The following HTRA3 variants were observed in gnomAD, a reference collection of about 807,000 sequenced individuals.
HTRA3 encodes HtrA serine peptidase 3, also known as serine protease HTRA3.
In HTRA3, 41 loss-of-function variants were observed where a neutral mutation model predicts 43.2. The ratio of observed to expected loss-of-function variants is 0.95; its 90% confidence interval spans 0.74 to 1.23. The LOEUF (loss-of-function observed/expected upper bound fraction) is 1.23. Among genes scored for constraint, HTRA3 ranks in the 50% most tolerant of loss-of-function variants. The pLI is 0.00. For missense variants in HTRA3, 628 were observed against 647.1 expected, an observed-to-expected ratio of 0.97 and a Z score of 0.32; for synonymous variants, 295 against 287.9, an observed-to-expected ratio of 1.02 and a Z score of -0.25.
chr4:8,303,895 T>C, intron 7 of HTRA3, among the ~76,000 whole-genome samples: 1 of 152,104 alleles, frequency 6.6e-6, no homozygotes, highest in Non-Finnish European at 1.5e-5. Context: ...GCATCATTCC[T>C]TCATTCATCC....
rs375064088 is a variant in HTRA3 at position 8,301,165 on chromosome 4, A to T, written c.1052-1298A>T. 1.9e-3 allele frequency among the ~76,000 whole-genome samples: 289 copies of T among 151,262 alleles called. 2 individuals carry two copies. The highest frequency in any genetic ancestry group is 6.7e-3 in the African/African-American group (275 of 41,228). On this transcript the variant is annotated intron_variant, in intron 6 of 8. Transcript: ENST00000307358. ...AGATTCACACTCTTTATTGACTCAC[A>T]CTTTATTATTCACACTCATCTTTAT... is the stretch of plus-strand genomic sequence containing the variant.
At chr4:8,285,066 G>C (rs1366314629) in intron 2 of HTRA3, among the ~76,000 whole-genome samples, 1 of 152,202 alleles carries the variant, frequency 6.6e-6, no homozygotes, top group South Asian at 2.1e-4. Context: ...TCCTTGGTAC[G>C]CCTCGGCCCT....
At chr4:8,303,829 C>CGTGACTCAGCATTGTCTGT (rs1713743382) in intron 7 of HTRA3, among the ~76,000 whole-genome samples, 3 of 78,072 alleles carry the variant, frequency 3.8e-5, no homozygotes, top group Admixed American at 1.7e-4. Flanking sequence ...ATTGTCTGTC[C>CGTGACTCAGCATTGTCTGT]ATTCCATGAC....
Position 8,302,522 on chromosome 4 carries a change from GAA to G in HTRA3, c.1100+12_1100+13del, listed in dbSNP as rs538842755. On this transcript the variant is annotated intron_variant, in intron 7 of 8. Transcript: ENST00000307358. Reference sequence around the variant, plus strand: ...GACGATCACACCAAGGTGAGTGTCTGAAGAGTGCCATCCCCTGCTACCCCTTC... The same window carrying G: ...GACGATCACACCAAGGTGAGTGTCTGGAGTGCCATCCCCTGCTACCCCTTC... The G allele has an allele frequency of 2.1e-4, 332 of 1,613,340 alleles. 1 individual carries two copies. In the African/African-American group the frequency reaches 3.6e-3, roughly 17 times the overall value.
At chr4:8,273,468 C>T (rs1185230384) in intron 1 of HTRA3, among the ~76,000 whole-genome samples, 5 of 152,102 alleles carry the variant, frequency 3.3e-5, no homozygotes, top group South Asian at 2.1e-4. Flanking sequence ...TCAGCTCCTC[C>T]GCCTTCTCCC....
Position 8,296,208 on chromosome 4 carries a change from C to T in HTRA3, c.1051+2007C>T, listed in dbSNP as rs570050646. On this transcript the variant is annotated intron_variant, in intron 6 of 8. Coordinates refer to ENST00000307358, the MANE Select transcript of HTRA3 (RefSeq NM_053044.5). The surrounding 1 kb of genome is among the most constrained non-coding windows in gnomAD (Gnocchi z 5.3). ...CTCTTCCCTTCTTGCCTCTCTCTTTCTCCTGAGACAGGATCCCCCTGGGGC... is the reference window on the plus strand; with the variant it reads ...CTCTTCCCTTCTTGCCTCTCTCTTTTTCCTGAGACAGGATCCCCCTGGGGC... The T allele has an allele frequency of 9.1e-6, 9 of 985,990 alleles. No homozygotes were observed. In the South Asian group the frequency reaches 3.3e-4, roughly 36 times the overall value. 61.1% of individuals were successfully genotyped at this position (985,990 alleles called of 1,614,324 possible). A position where few individuals can be genotyped will look rare whatever the true frequency, so the allele number is the denominator to read the frequency against.
At position 8,306,394 on chromosome 4, in the gene HTRA3, C is replaced by G; in HGVS notation, c.*258C>G. On this transcript the variant is annotated 3_prime_UTR_variant, in exon 9 of 9. Transcript: ENST00000307358. This position sits in a 1 kb window ranked among gnomAD's most constrained non-coding sequence, Gnocchi z 8.9. ...TGATCCTGAAAGTCACTTCCAAGTT[C>G]TCCGGATATTCACAAAACTGCCTTC... 2.5e-6 allele frequency: 1 copy of G among 398,510 alleles called. No individual in the cohort carries two copies. The highest frequency in any genetic ancestry group is 4.5e-6 in the Non-Finnish European group (1 of 221,664). The allele number at this position is 398,510 out of a possible 1,614,324, so 24.7% of individuals were successfully genotyped here. A position where few individuals can be genotyped will look rare whatever the true frequency, so the allele number is the denominator to read the frequency against.
At chr4:8,292,282 G>T (rs746020679) in intron 4 of HTRA3, 39 bp from the exon 5 acceptor site, 1 of 1,599,362 alleles carries the variant, frequency 6.3e-7, no homozygotes, top group Non-Finnish European at 8.5e-7. Context: ...AGCCTCAGGC[G>T]GGGTCAGGCA....
chr4:8,305,953 C>A lies in HTRA3; in HGVS notation c.1197-18C>A. 6.2e-7 allele frequency: 1 copy of A among 1,610,666 alleles called. No individual in the cohort carries two copies. Among genetic ancestry groups the A allele is most frequent in the East Asian group, 2.2e-5 (1 of 44,774 alleles). ...CTGGGGAGGCGGTGGGTGGTGACCC[C>A]GTCTCTCCTGTTGGCAGAGGCGGCA... On this transcript the variant is annotated intron_variant, in intron 8 of 8. Transcript: ENST00000307358.
intron 8 of HTRA3, 98 bp downstream of exon 8, chr4:8,304,377 C>A (rs1328999738): frequency 1.2e-5 from 11 of 902,660 alleles, no homozygotes; most frequent in Non-Finnish European, 1.9e-5. Flanking sequence ...AGCTTCCCAG[C>A]AAAGTGACCG....
intron 1 of HTRA3, among the ~76,000 whole-genome samples, chr4:8,270,636 A>G (rs545757633): frequency 6.6e-6 from 1 of 152,332 alleles, no homozygotes; most frequent in South Asian, 2.1e-4. Flanking sequence ...TGGTCTCTTC[A>G]GAACTGATGT....
At chr4:8,275,222 C>T (rs1027714059) in intron 1 of HTRA3, among the ~76,000 whole-genome samples, 1 of 152,216 alleles carries the variant, frequency 6.6e-6, no homozygotes, top group Non-Finnish European at 1.5e-5. Context: ...CTTGGCCTAG[C>T]AAATGCACCC....
intron 6 of HTRA3, among the ~76,000 whole-genome samples, chr4:8,299,459 C>A (rs1578806780): frequency 6.6e-6 from 1 of 152,240 alleles, no homozygotes; most frequent in East Asian, 1.9e-4. Flanking sequence ...TTCTTCCTTT[C>A]CAATCTGAAT....
chr4:8,294,813 CCCAGCCA>C, intron 6 of HTRA3, among the ~76,000 whole-genome samples: 1 of 130,182 alleles, frequency 7.7e-6, no homozygotes, highest in Middle Eastern at 4.1e-3. Context: ...CACCCACCCA[CCCAGCCA>C]TTCATCCATT....
intron 2 of HTRA3, among the ~76,000 whole-genome samples, chr4:8,283,829 C>T (rs918658362): frequency 2.6e-5 from 4 of 152,192 alleles, no homozygotes; most frequent in South Asian, 4.1e-4. Context: ...GCCCTAGGCC[C>T]GGCCCTGGGG....
chr4:8,284,036 T>C (rs772034498), intron 2 of HTRA3, among the ~76,000 whole-genome samples: 3 of 152,136 alleles, frequency 2.0e-5, no homozygotes, highest in Non-Finnish European at 4.4e-5. Flanking sequence ...GTGACGGGCA[T>C]ATAGCACCTC....
rs1222668177 is a variant in HTRA3, at chr4:8,292,260, G to C, written c.904-61G>C. The C allele has an allele frequency of 3.4e-6, 5 of 1,488,802 alleles. No homozygotes were observed. In the African/African-American group the frequency reaches 6.9e-5, roughly 21 times the overall value. The allele number at this position is 1,488,802 out of a possible 1,614,324, so 92.2% of individuals were successfully genotyped here. On this transcript the variant is annotated intron_variant, in intron 4 of 8. Coordinates refer to ENST00000307358, the MANE Select transcript of HTRA3 (RefSeq NM_053044.5). ...ACTGGTTAGAGGCAGATCTGGAGAAGGGGCTCCAGGAAGCCTCAGGCGGGG... is the reference window on the plus strand; with the variant it reads ...ACTGGTTAGAGGCAGATCTGGAGAACGGGCTCCAGGAAGCCTCAGGCGGGG...
intron 1 of HTRA3, among the ~76,000 whole-genome samples, chr4:8,274,811 C>T (rs114599533): frequency 0.013 from 1,969 of 152,326 alleles, 44 homozygotes; most frequent in African/African-American, 0.041. Flanking sequence ...GCCTGCCATG[C>T]GCTCAGAATG....
chr4:8,305,919 A>C (rs1713826162), intron 8 of HTRA3, 52 bp from the exon 9 acceptor site: 1 of 1,605,924 alleles, frequency 6.2e-7, no homozygotes, highest in African/African-American at 1.3e-5. Flanking sequence ...GGGCCTGGGA[A>C]GGCTGTGCCT....
Sources: gnomAD v4.1 joint callset for allele counts (sites outside exome capture counted in the v4.1 genomes callset) on GRCh38, gnomAD v4.1.1 for gene constraint, Gnocchi (gnomAD v3.1) non-coding constraint, MANE v1.5 for transcripts, NCBI Gene and HGNC (gene_info 2026-07-23, HGNC 2026-07-21) for gene names.